The following PRRC2B variants were observed in gnomAD, a reference collection of about 807,000 sequenced individuals.
PRRC2B encodes proline rich coiled-coil 2B.
Under a neutral mutation model 242.3 loss-of-function variants are expected in PRRC2B, and 68 were observed. The observed-to-expected ratio is 0.28, with a 90% CI of 0.23 to 0.34. The LOEUF is 0.34. PRRC2B is among the 10% of genes least tolerant of loss of function. PRRC2B has a pLI of 1.00. For missense variants in PRRC2B, 2,835 were observed against 2,954.8 expected (o/e 0.96, Z 0.94); for synonymous variants, 1,228 against 1,173.6 (o/e 1.05, Z -0.95).
At chr9:131,473,411 A>C in intron 14 of PRRC2B, 97 bp from the exon 15 acceptor site, 1 of 817,182 alleles carries the variant, frequency 1.2e-6, no homozygotes, top group Admixed American at 3.0e-5. Flanking sequence ...CATGAAAGTC[A>C]GGGTAACTGT....
At chr9:131,462,857 G>T (rs1051206989) in intron 11 of PRRC2B, among the ~76,000 whole-genome samples, 1 of 59,276 alleles carries the variant, frequency 1.7e-5, no homozygotes, top group African/African-American at 5.1e-5. Flanking sequence ...AAAAAAAAAA[G>T]GTCTCAGTGC....
intron 9 of PRRC2B, among the ~76,000 whole-genome samples, chr9:131,448,561 A>ACAAAAAAAAAAAAC (rs71372733): frequency 2.8e-5 from 4 of 142,964 alleles, no homozygotes; most frequent in Non-Finnish European, 6.1e-5. Context: ...AAAAAAAAAA[A>ACAAAAAAAAAAAAC]AAAAAAAAAG....
rs1430978978 is a variant in PRRC2B at position 131,446,969 on chromosome 9, A to G, written c.856-116A>G. The G allele has an allele frequency of 2.2e-6, 3 of 1,341,196 alleles. No individual in the cohort carries two copies. Among genetic ancestry groups the G allele is most frequent in the Non-Finnish European group, 3.1e-6 (3 of 965,824 alleles). The allele number at this position is 1,341,196 out of a possible 1,614,324, so 83.1% of individuals were successfully genotyped here. On this transcript the variant is annotated intron_variant, in intron 7 of 31. Transcript: ENST00000683519. The surrounding 1 kb of genome is among the most constrained non-coding windows in gnomAD (Gnocchi z 4.1). ...GTGGTAGGATTAATTAGGAAACCCC[A>G]TGACTTTCCTGTTTCTTTTTCCCAT...
intron 11 of PRRC2B, among the ~76,000 whole-genome samples, chr9:131,460,738 C>T (rs900894971): frequency 2.6e-5 from 4 of 152,162 alleles, no homozygotes; most frequent in African/African-American, 4.8e-5. Context: ...AGTGCGTGTC[C>T]TTTTTCCCTG....
chr9:131,480,849 G>A (rs557230187), intron 19 of PRRC2B, among the ~76,000 whole-genome samples: 2 of 152,050 alleles, frequency 1.3e-5, no homozygotes, highest in South Asian at 2.1e-4. Context: ...AGTAATACCC[G>A]CTGGGATCTT....
intron 1 of PRRC2B, among the ~76,000 whole-genome samples, chr9:131,382,553 C>T (rs1034440991): frequency 6.6e-6 from 1 of 152,020 alleles, no homozygotes; most frequent in Non-Finnish European, 1.5e-5. Context: ...ATGTCCCTCC[C>T]TGCTGTGAGC....
intron 1 of PRRC2B, among the ~76,000 whole-genome samples, chr9:131,428,964 G>A (rs1260877248): frequency 1.3e-5 from 2 of 151,714 alleles, no homozygotes; most frequent in African/African-American, 4.8e-5. Flanking sequence ...TTTTTGTTGT[G>A]TTTTTTTTTA....
intron 3 of PRRC2B, among the ~76,000 whole-genome samples, chr9:131,434,068 C>T (rs1201614179): frequency 3.3e-5 from 5 of 152,114 alleles, no homozygotes; most frequent in Admixed American, 2.6e-4. Flanking sequence ...CAGTGTCCCC[C>T]CCTTGAAATA....
At position 131,476,229 on chromosome 9, in the gene PRRC2B, C is replaced by T. The variant is rs759012454; in HGVS notation, c.4100C>T (p.Ser1367Phe). ...CCTGAGCTCTCCTACCAGAACTCCT[C>T]CGATCACGCCAATGAGGAGTGGGAG... is the stretch of plus-strand genomic sequence containing the variant. ...RSPELSYQNSSDHANEEWETA... is the reference protein window; with the variant it reads ...RSPELSYQNSFDHANEEWETA... The change falls in exon 16 of 32, where the codon TCC (serine) becomes TTC (phenylalanine). Residue 1367 changes from serine to phenylalanine, a missense_variant. Ser to Phe is a radical substitution (Grantham distance 155). Around this residue, in one of 7 missense-constraint regions of PRRC2B, gnomAD observed 1,536 missense variants for 1,483.1 expected, o/e 1.04. Coordinates refer to ENST00000683519, the MANE Select transcript of PRRC2B (RefSeq NM_013318.4). 3 of 1,613,070 alleles carry T rather than the reference C, an allele frequency of 1.9e-6. No homozygotes were observed. Among genetic ancestry groups the T allele is most frequent in the Admixed American group, 1.7e-5 (1 of 59,894 alleles).
At chr9:131,476,777 A>C (rs1588274962) in intron 16 of PRRC2B, among the ~76,000 whole-genome samples, 1 of 132,078 alleles carries the variant, frequency 7.6e-6, no homozygotes, top group African/African-American at 2.9e-5. Flanking sequence ...ACTGTCCAGC[A>C]CCTGACCTGA....
At position 131,430,077 on chromosome 9, in the gene PRRC2B, C is replaced by G; in HGVS notation, c.-51-17C>G. On this transcript the variant is annotated splice_polypyrimidine_tract_variant and intron_variant, in intron 1 of 31. Coordinates refer to ENST00000683519, the MANE Select transcript of PRRC2B (RefSeq NM_013318.4). The stretch of plus-strand genomic sequence containing the variant: ...TTCTCTCTCTTTTTTTTTTTTTCTT[C>G]TCTATTTCAAAGGCAGATCGGGAGC... 26 of 384,798 alleles carry G rather than the reference C, an allele frequency of 6.8e-5. No homozygotes were observed. Among genetic ancestry groups the G allele is most frequent in the Non-Finnish European group, 5.2e-5 (12 of 229,576 alleles). The allele number at this position is 384,798 out of a possible 1,614,324, so 23.8% of individuals were successfully genotyped here. A position where few individuals can be genotyped will look rare whatever the true frequency, so the allele number is the denominator to read the frequency against.
chr9:131,472,503 G>A (rs1943575794), intron 14 of PRRC2B, among the ~76,000 whole-genome samples: 1 of 131,980 alleles, frequency 7.6e-6, no homozygotes, highest in Non-Finnish European at 1.6e-5. Flanking sequence ...TTGAGACAGA[G>A]TCTTGCTCTG....
intron 1 of PRRC2B, among the ~76,000 whole-genome samples, chr9:131,429,261 TTGAG>T (rs36119236): frequency 2.6e-3 from 399 of 151,878 alleles, no homozygotes; most frequent in Middle Eastern, 0.01. Context: ...GCTTAGTATT[TTGAG>T]TGAGTGAGTG....
intron 5 of PRRC2B, among the ~76,000 whole-genome samples, chr9:131,440,502 AGCCAGT>A (rs1003343905): frequency 1.3e-5 from 2 of 152,202 alleles, no homozygotes. Flanking sequence ...CTCCTATGGA[AGCCAGT>A]TTGGCGCTGC....
At chr9:131,477,404 G>A (rs1355937222) in intron 16 of PRRC2B, among the ~76,000 whole-genome samples, 2 of 152,222 alleles carry the variant, frequency 1.3e-5, no homozygotes, top group South Asian at 2.1e-4. Context: ...AGGGCCCTCC[G>A]GCAGGGCAGT....
chr9:131,403,941 T>A (rs1283443805), intron 1 of PRRC2B, among the ~76,000 whole-genome samples: 2 of 151,634 alleles, frequency 1.3e-5, no homozygotes, highest in South Asian at 4.2e-4. Flanking sequence ...TCAGTAATAC[T>A]TTTTTTTTCT....
Position 131,474,568 on chromosome 9 carries a change from A to G in PRRC2B, c.2439A>G (p.Gln813=), listed in dbSNP as rs1394274269. 6.2e-7 allele frequency: 1 copy of G among 1,613,994 alleles called. No homozygotes were observed. Among genetic ancestry groups the G allele is most frequent in the East Asian group, 2.2e-5 (1 of 44,866 alleles). ...EYLSAFDKKA[Q]ADFDSCISSQ... ...TGAGTGCTTTTGACAAGAAGGCCCA[A>G]GCAGACTTTGACAGCTGTATCTCTT... The change falls in exon 16 of 32, where the codon CAA becomes CAG. Residue 813 remains glutamine, a synonymous_variant. Transcript: ENST00000683519.
At chr9:131,399,134 GAT>G (rs1246485308) in intron 1 of PRRC2B, among the ~76,000 whole-genome samples, 2 of 151,644 alleles carry the variant, frequency 1.3e-5, no homozygotes, top group Admixed American at 6.6e-5. Flanking sequence ...AAATTAGCTG[GAT>G]GCCGTGGCGA....
At chr9:131,416,265 C>G (rs902989008) in intron 1 of PRRC2B, among the ~76,000 whole-genome samples, 2 of 152,074 alleles carry the variant, frequency 1.3e-5, no homozygotes, top group Admixed American at 1.3e-4. Flanking sequence ...CATGCCACCA[C>G]GCCTGACTAA....
Sources: allele counts gnomAD v4.1 joint callset (sites outside exome capture counted in the v4.1 genomes callset), GRCh38; gene constraint gnomAD v4.1.1; regional missense constraint gnomAD v4.1.1; non-coding constraint Gnocchi (gnomAD v3.1); transcripts MANE v1.5; gene names NCBI Gene and HGNC (gene_info 2026-07-23, HGNC 2026-07-21).